ACYP2: variants seen among roughly 807,000 people sequenced by gnomAD.
The protein encoded by ACYP2 is acylphosphatase 2.
ACYP2 carries 12 observed loss-of-function variants against 11.2 expected under a neutral mutation model. The observed-to-expected ratio is 1.08, with a 90% CI of 0.69 to 1.74. The LOEUF (loss-of-function observed/expected upper bound fraction) is 1.74. ACYP2 is among the 40% of genes most tolerant of loss of function. The pLI is 0.00. For missense variants in ACYP2, 134 were observed against 101.9 expected, an observed-to-expected ratio of 1.31 and a Z score of -1.35; for synonymous variants, 43 against 32.2, an observed-to-expected ratio of 1.33 and a Z score of -1.13.
chr2:53,988,189 A>T (rs947400510), intron 2 of ACYP2, among the ~76,000 whole-genome samples: 2 of 152,100 alleles, frequency 1.3e-5, no homozygotes, highest in African/African-American at 4.8e-5. Flanking sequence ...ACATATCAAG[A>T]CTTCATGTCA....
chr2:54,036,575 A>C (rs377734036), intron 2 of ACYP2, among the ~76,000 whole-genome samples: 6 of 152,222 alleles, frequency 3.9e-5, no homozygotes, highest in East Asian at 3.8e-4. Context: ...GTCTGCAGGG[A>C]GAAAATGCAC....
intron 2 of ACYP2, among the ~76,000 whole-genome samples, chr2:54,020,493 A>G (rs933955575): frequency 1.3e-5 from 2 of 152,256 alleles, no homozygotes; most frequent in South Asian, 2.1e-4. Context: ...TTGGAAGGCT[A>G]TAAAGTTAGT....
intron 6 of ACYP2, among the ~76,000 whole-genome samples, chr2:54,258,439 G>C (rs1687648874): frequency 6.6e-6 from 1 of 151,300 alleles, no homozygotes; most frequent in Middle Eastern, 3.5e-3. Flanking sequence ...AGCGTGACTG[G>C]AGCACAGTGA....
Position 54,016,680 on chromosome 2 carries a change from T to C in ACYP2, c.63-34278T>C, listed in dbSNP as rs191717330. ...AACAATAGAAATTTATGTCTCACAG[T>C]CCTGAAGGCTGAGAAGTCAAGGTCA... On this transcript the variant is annotated intron_variant, in intron 2 of 6. Transcript: ENST00000607452. Among the ~76,000 whole-genome samples, 288 of 151,900 alleles carry C rather than the reference T, an allele frequency of 1.9e-3. 2 individuals carry two copies. Among genetic ancestry groups the C allele is most frequent in the Non-Finnish European group, 3.2e-3 (218 of 67,982 alleles).
At chr2:54,012,676 C>T (rs1256295768) in intron 2 of ACYP2, among the ~76,000 whole-genome samples, 1 of 152,182 alleles carries the variant, frequency 6.6e-6, no homozygotes, top group Non-Finnish European at 1.5e-5. Context: ...GTCTGATCTA[C>T]AGTCCTTTAA....
chr2:54,215,778 G>A (rs1685534409), intron 6 of ACYP2, among the ~76,000 whole-genome samples: 1 of 152,060 alleles, frequency 6.6e-6, no homozygotes, highest in African/African-American at 2.4e-5. Flanking sequence ...ACTAATGGCT[G>A]CAAGACATTC....
At chr2:54,049,292 G>T (rs1057328646) in intron 2 of ACYP2, among the ~76,000 whole-genome samples, 1 of 151,908 alleles carries the variant, frequency 6.6e-6, no homozygotes, top group African/African-American at 2.4e-5. Flanking sequence ...GAACTGACTA[G>T]TGCCACCCTG....
At chr2:53,972,812 G>C (rs564032425) in intron 1 of ACYP2, among the ~76,000 whole-genome samples, 1 of 152,336 alleles carries the variant, frequency 6.6e-6, no homozygotes, top group African/African-American at 2.4e-5. Context: ...ACGCTGGGTA[G>C]ATAGGTGAAG....
intron 5 of ACYP2, among the ~76,000 whole-genome samples, chr2:54,137,177 TC>T (rs1396618651): frequency 6.6e-6 from 1 of 152,116 alleles, no homozygotes; most frequent in Non-Finnish European, 1.5e-5. Flanking sequence ...CTGTGCCAAG[TC>T]CAGAGCCAAC....
intron 4 of ACYP2, among the ~76,000 whole-genome samples, chr2:54,132,990 C>T (rs981249913): frequency 1.3e-5 from 2 of 152,088 alleles, no homozygotes; most frequent in African/African-American, 4.8e-5. Context: ...GTGATCCACC[C>T]GCCTTGGCCT....
At chr2:54,260,881 T>A (rs895025826) in intron 6 of ACYP2, among the ~76,000 whole-genome samples, 1 of 151,864 alleles carries the variant, frequency 6.6e-6, no homozygotes, top group Non-Finnish European at 1.5e-5. Context: ...AGGCAGGAGC[T>A]AAAAAACATG....
chr2:54,159,497 C>T (rs1682612009), intron 6 of ACYP2, among the ~76,000 whole-genome samples: 6 of 151,784 alleles, frequency 4.0e-5, no homozygotes, highest in Admixed American at 2.6e-4. Context: ...CATGAGCCAC[C>T]GCACCCAGCC....
chr2:54,226,859 T>C (rs751201467), intron 6 of ACYP2, among the ~76,000 whole-genome samples: 1 of 152,258 alleles, frequency 6.6e-6, no homozygotes, highest in Non-Finnish European at 1.5e-5. Flanking sequence ...ATAGCATTCC[T>C]AGTACTCAGG....
At chr2:54,261,715 CTAT>C (rs779683776) in intron 6 of ACYP2, among the ~76,000 whole-genome samples, 2 of 152,178 alleles carry the variant, frequency 1.3e-5, no homozygotes, top group African/African-American at 2.4e-5. Context: ...ACATACAGAA[CTAT>C]TTTTCTTAGA....
intron 6 of ACYP2, among the ~76,000 whole-genome samples, chr2:54,296,028 C>T (rs1489572569): frequency 1.3e-5 from 2 of 151,664 alleles, no homozygotes; most frequent in African/African-American, 2.4e-5. Context: ...CCAAAGTGCT[C>T]GAATTACAGC....
intron 4 of ACYP2, among the ~76,000 whole-genome samples, chr2:54,060,634 G>T (rs1676418860): frequency 6.6e-6 from 1 of 152,058 alleles, no homozygotes; most frequent in Admixed American, 6.5e-5. Context: ...TAATTTATTT[G>T]CCCAAATACA....
intron 2 of ACYP2, among the ~76,000 whole-genome samples, chr2:54,001,654 A>C (rs1672810348): frequency 6.6e-6 from 1 of 152,182 alleles, no homozygotes; most frequent in African/African-American, 2.4e-5. Flanking sequence ...TCGGCCTTCC[A>C]AAGTGCTGGG....
At chr2:54,037,749 A>G (rs1318547360) in intron 2 of ACYP2, among the ~76,000 whole-genome samples, 1 of 152,226 alleles carries the variant, frequency 6.6e-6, no homozygotes, top group East Asian at 1.9e-4. Context: ...TGAATAAAAT[A>G]TATAGTAAAA....
intron 6 of ACYP2, among the ~76,000 whole-genome samples, chr2:54,287,531 G>T (rs752396032): frequency 7.2e-5 from 11 of 152,026 alleles, no homozygotes; most frequent in Non-Finnish European, 1.6e-4. Context: ...GACACTGAGT[G>T]TCTTCCAAGA....
Sources: gnomAD v4.1 joint callset for allele counts (sites outside exome capture counted in the v4.1 genomes callset) on GRCh38, gnomAD v4.1.1 for gene constraint, MANE v1.5 for transcripts, NCBI Gene and HGNC (gene_info 2026-07-23, HGNC 2026-07-21) for gene names.